Variants in NEAT1 observed in about 807,000 individuals in gnomAD.
NEAT1 encodes MENepsilon/beta.
exon 1 of NEAT1, chr11:65,435,145 G>GGT (rs1413659191): frequency 2.6e-5 from 4 of 152,180 alleles, no homozygotes; most frequent in Admixed American, 1.3e-4. Context: ...TGCAGATTTA[G>GGT]GTAAGTCCAT....
At chr11:65,435,868 C>T (rs1187670114) in exon 1 of NEAT1, 1 of 152,212 alleles carries the variant, frequency 6.6e-6, no homozygotes, top group Admixed American at 6.5e-5. Context: ...ATTCTTTCCC[C>T]TACACAGATT....
chr11:65,425,254 G>A (rs1856549638), exon 1 of NEAT1: 1 of 152,150 alleles, frequency 6.6e-6, no homozygotes, highest in African/African-American at 2.4e-5. Flanking sequence ...GGGGAAGACT[G>A]AAGAAGTGTT....
chr11:65,424,336 T>C (rs549398512), exon 1 of NEAT1: 7 of 152,300 alleles, frequency 4.6e-5, no homozygotes, highest in Admixed American at 3.3e-4. Flanking sequence ...TGCTGCATCT[T>C]CTAAATTGAG....
exon 1 of NEAT1, chr11:65,435,871 C>T (rs572944653): frequency 6.6e-5 from 10 of 152,338 alleles, no homozygotes; most frequent in African/African-American, 1.7e-4. Flanking sequence ...CTTTCCCCTA[C>T]ACAGATTAAA....
chr11:65,441,777 G>C (rs1015778857), exon 1 of NEAT1: 1 of 151,764 alleles, frequency 6.6e-6, no homozygotes, highest in Non-Finnish European at 1.5e-5. Context: ...CTTTTCCTCC[G>C]GCATGCCTTG....
At chr11:65,444,883 G>A (rs993613170) in exon 1 of NEAT1, 7 of 228,112 alleles carry the variant, frequency 3.1e-5, no homozygotes, top group African/African-American at 7.0e-5. Context: ...CGAGGCAGGC[G>A]GGCGTCTGCG....
exon 1 of NEAT1, chr11:65,425,410 G>A (rs1338744761): frequency 1.3e-5 from 2 of 152,104 alleles, no homozygotes; most frequent in African/African-American, 4.8e-5. Flanking sequence ...GTTTTGTTTG[G>A]GGTGTGGGTG....
At chr11:65,441,811 C>T (rs1706858444) in exon 1 of NEAT1, 3 of 152,148 alleles carry the variant, frequency 2.0e-5, no homozygotes, top group Non-Finnish European at 4.4e-5. Context: ...TACTCTTTTT[C>T]TAGAGGCTCG....
exon 1 of NEAT1, chr11:65,424,431 C>T (rs1055202974): frequency 2.0e-5 from 3 of 152,292 alleles, no homozygotes; most frequent in East Asian, 3.9e-4. Flanking sequence ...GATGCCACAA[C>T]GCAGATTGAT....
exon 1 of NEAT1, chr11:65,427,809 T>G (rs1200047605): frequency 6.6e-6 from 1 of 152,160 alleles, no homozygotes; most frequent in African/African-American, 2.4e-5. Context: ...ATTACAAAAC[T>G]CTTGCTTCCA....
At chr11:65,444,263 CTGTGTGTGTGTGTG>C (rs66756887) in exon 1 of NEAT1, 22,544 of 253,706 alleles carry the variant, frequency 0.089, 621 homozygotes, top group South Asian at 0.13. Flanking sequence ...AGTCCTCAGA[CTGTGTGTGTGTGTG>C]TGTGTGTGTG....
chr11:65,423,146 G>A (rs1856516600), exon 1 of NEAT1: 1 of 153,398 alleles, frequency 6.5e-6, no homozygotes, highest in South Asian at 2.0e-4. Flanking sequence ...AGGAAGGCAG[G>A]GAGAGGTAGA....
chr11:65,435,742 G>A (rs1379085272), exon 1 of NEAT1: 1 of 152,188 alleles, frequency 6.6e-6, no homozygotes, highest in African/African-American at 2.4e-5. Flanking sequence ...TGGAACTGGG[G>A]TAAAACTGCG....
exon 1 of NEAT1, chr11:65,431,549 C>A (rs1048338364): frequency 1.8e-4 from 27 of 152,266 alleles, no homozygotes; most frequent in African/African-American, 6.5e-4. Flanking sequence ...TTCCGAGGTT[C>A]CCACATCCTC....
chr11:65,438,493 CCAAA>C lies in NEAT1; in HGVS notation n.15699_15702del, dbSNP rs927981665. 1.4e-4 allele frequency: 22 copies of C among 152,066 alleles called. 1 individual carries two copies. The highest frequency in any genetic ancestry group is 2.9e-5 in the Non-Finnish European group (2 of 68,002). 9.4% of individuals were successfully genotyped at this position (152,066 alleles called of 1,614,324 possible). On this transcript the variant is annotated non_coding_transcript_exon_variant, in exon 1 of 1. Coordinates refer to ENST00000501122, the Ensembl canonical transcript of NEAT1. ...CCATTTCTAGAACTTTTTCGTCATC[CCAAA>C]CAGACGCTCTGTATTCATAAAAAAA...
chr11:65,440,183 T>G (rs1254603840), exon 1 of NEAT1: 1 of 151,050 alleles, frequency 6.6e-6, no homozygotes, highest in Non-Finnish European at 1.5e-5. Flanking sequence ...AGTATCAGGT[T>G]TTTTTTTTTC....
chr11:65,439,916 T>C (rs1277106964), exon 1 of NEAT1: 1 of 152,124 alleles, frequency 6.6e-6, no homozygotes, highest in Non-Finnish European at 1.5e-5. Flanking sequence ...CTGCTAGATG[T>C]GCTGGATCAT....
exon 1 of NEAT1, chr11:65,444,034 G>A (rs3741384): frequency 0.054 from 9,657 of 179,674 alleles, 635 homozygotes; most frequent in Admixed American, 0.2. Flanking sequence ...TTAGATGGCC[G>A]TGAATGTTTC....
chr11:65,437,211 G>GTATATA (rs1286070443), exon 1 of NEAT1: 7 of 120,354 alleles, frequency 5.8e-5, no homozygotes, highest in African/African-American at 2.3e-4. Flanking sequence ...ATATATATAT[G>GTATATA]TATATATATA....
Sources: allele counts gnomAD v4.1 joint callset, GRCh38; gene constraint gnomAD v4.1.1; transcripts MANE v1.5; gene names NCBI Gene and HGNC (gene_info 2026-07-23, HGNC 2026-07-21).